The following ABCG5 variants were observed in gnomAD, a reference collection of about 807,000 sequenced individuals.
ABCG5 encodes ATP-binding cassette sub-family G member 5.
ABCG5 carries 64 observed loss-of-function variants against 64.5 expected under a neutral mutation model. The observed-to-expected ratio is 0.99, with a 90% CI of 0.81 to 1.22. The LOEUF (loss-of-function observed/expected upper bound fraction) is 1.22, where lower values mean the gene tolerates loss of function less well. Among genes scored for constraint, ABCG5 ranks in the 50% most tolerant of loss-of-function variants. The probability of loss-of-function intolerance (pLI) is 0.00; values close to 1 mark genes in which losing one functional copy is unlikely to be tolerated. For synonymous variants in ABCG5, 385 were observed against 326.3 expected (o/e 1.18, Z -1.94); for missense variants, 908 against 829.5 (o/e 1.09, Z -1.16).
chr2:43,837,115 C>T lies in ABCG5; in HGVS notation c.265+719G>A, dbSNP rs556244463. ...TACATGAACTTTTAAATATTATTCT[C>T]CAGTCTTTTTTTTTTTTTTTTTGAG... On this transcript the variant is annotated intron_variant, in intron 2 of 12. Coordinates refer to ENST00000405322, the MANE Select transcript of ABCG5 (RefSeq NM_022436.3). 3.0e-4 allele frequency among the ~76,000 whole-genome samples: 43 copies of T among 142,696 alleles called. 1 individual carries two copies. The highest frequency in any genetic ancestry group is 1.1e-3 in the African/African-American group (41 of 37,672). 93.6% of individuals were successfully genotyped at this position (142,696 alleles called of 152,430 possible).
chr2:43,835,526 A>T (rs1320050538), intron 2 of ABCG5, among the ~76,000 whole-genome samples: 1 of 152,214 alleles, frequency 6.6e-6, no homozygotes, highest in East Asian at 1.9e-4. Flanking sequence ...AAAAATGGAA[A>T]TAAGAACTGA....
chr2:43,820,208 T>C, intron 10 of ABCG5, 108 bp from the exon 11 acceptor site: 9 of 1,339,460 alleles, frequency 6.7e-6, no homozygotes, highest in Non-Finnish European at 9.4e-6. Context: ...GTGGGAGAAG[T>C]TTGCAGGGCA....
chr2:43,818,701 A>G (rs1375865983), intron 11 of ABCG5, among the ~76,000 whole-genome samples: 3 of 152,186 alleles, frequency 2.0e-5, no homozygotes, highest in Non-Finnish European at 2.9e-5. Context: ...GACAAATACA[A>G]TATCATGGTC....
chr2:43,839,058 C>A, upstream of ABCG5: 1 of 1,551,014 alleles, frequency 6.4e-7, no homozygotes, highest in Non-Finnish European at 8.7e-7. Context: ...GGCCCCATGG[C>A]CGGGAAGGCG....
rs2278357 is a variant in ABCG5 at position 43,812,700 on chromosome 2, C to T, written c.*416G>A. ...TTGCTTCATCTAAACCCACAACTCT[C>T]TTTCTCTGTCACTTATGGTCAGGAA... is the stretch of plus-strand genomic sequence containing the variant. On this transcript the variant is annotated 3_prime_UTR_variant, in exon 13 of 13. Coordinates refer to ENST00000405322, the MANE Select transcript of ABCG5 (RefSeq NM_022436.3). 0.2 allele frequency: 41,149 copies of T among 202,312 alleles called. 5,029 individuals carry two copies. Among genetic ancestry groups the T allele is most frequent in the African/African-American group, 0.34 (14,251 of 42,204 alleles). 12.5% of individuals were successfully genotyped at this position (202,312 alleles called of 1,614,324 possible). A position where few individuals can be genotyped will look rare whatever the true frequency, so the allele number is the denominator to read the frequency against.
At chr2:43,817,857 C>A (rs1240556369) in intron 11 of ABCG5, among the ~76,000 whole-genome samples, 2 of 152,010 alleles carry the variant, frequency 1.3e-5, no homozygotes, top group South Asian at 4.1e-4. Flanking sequence ...TTACAGTGAG[C>A]CGAGATCGCG....
chr2:43,826,111 GACC>G (rs1413837306), intron 6 of ABCG5, among the ~76,000 whole-genome samples: 1 of 151,756 alleles, frequency 6.6e-6, no homozygotes, highest in East Asian at 1.9e-4. Flanking sequence ...AAGTAGCTGG[GACC>G]ACAGATATGC....
intron 11 of ABCG5, among the ~76,000 whole-genome samples, chr2:43,819,160 G>C (rs1000961814): frequency 3.9e-5 from 6 of 151,992 alleles, no homozygotes; most frequent in Middle Eastern, 3.2e-3. Flanking sequence ...CAAAGAAACA[G>C]CCTTCATGTT....
chr2:43,835,076 C>A (rs1291355666), intron 2 of ABCG5, among the ~76,000 whole-genome samples: 3 of 152,196 alleles, frequency 2.0e-5, no homozygotes, highest in Admixed American at 6.5e-5. Context: ...AGAATACAGT[C>A]CCTGCCCTTG....
At chr2:43,808,617 A>G (rs1008360120), downstream of ABCG5, among the ~76,000 whole-genome samples, 1 of 152,188 alleles carries the variant, frequency 6.6e-6, no homozygotes, top group African/African-American at 2.4e-5. Context: ...ACTAAAATTT[A>G]TTTATGAATT....
At chr2:43,817,259 G>A (rs1666894228) in intron 11 of ABCG5, among the ~76,000 whole-genome samples, 1 of 151,508 alleles carries the variant, frequency 6.6e-6, no homozygotes, top group Non-Finnish European at 1.5e-5. Context: ...CCGAGGCAGG[G>A]AAATCACTTG....
chr2:43,832,221 A>G, intron 2 of ABCG5, 138 bp from the exon 3 acceptor site: 1 of 1,171,298 alleles, frequency 8.5e-7, no homozygotes, highest in South Asian at 1.3e-5. Flanking sequence ...TGTTAAGGAC[A>G]CAGCAGGATA....
chr2:43,819,343 A>G (rs1667040020), intron 11 of ABCG5, among the ~76,000 whole-genome samples: 1 of 152,206 alleles, frequency 6.6e-6, no homozygotes, highest in South Asian at 2.1e-4. Flanking sequence ...CATTGATAAA[A>G]TACAGAAATA....
chr2:43,829,823 T>C (rs754832455), intron 4 of ABCG5, among the ~76,000 whole-genome samples: 33 of 152,226 alleles, frequency 2.2e-4, no homozygotes, highest in Non-Finnish European at 4.0e-4. Flanking sequence ...GGGAATGACT[T>C]GTGGACCAAC....
At chr2:43,826,894 T>G (rs1286783415) in intron 5 of ABCG5, among the ~76,000 whole-genome samples, 1 of 152,202 alleles carries the variant, frequency 6.6e-6, no homozygotes, top group Non-Finnish European at 1.5e-5. Flanking sequence ...CAACCCCATT[T>G]CATGTCTGTA....
chr2:43,809,688 A>G (rs1399114241), downstream of ABCG5: 1 of 1,585,388 alleles, frequency 6.3e-7, no homozygotes, highest in Admixed American at 1.8e-5. Flanking sequence ...TTAAAGTGAT[A>G]CATATTTTTG....
At chr2:43,839,056 G>T (rs1365569134), upstream of ABCG5, 5 of 1,551,040 alleles carry the variant, frequency 3.2e-6, no homozygotes, top group Non-Finnish European at 3.5e-6. Context: ...TGGGCCCCAT[G>T]GCCGGGAAGG....
In ABCG5 at chr2:43,822,828, C is replaced by T. The variant is rs4076029; in HGVS notation, c.1432G>A (p.Ala478Thr). ...ALHVLPFSVV[A>T]TMIFSSVCYW... ...CACACACTGCTGAAAATCATGGTGG[C>T]AACAACGCTGAAGGGGAGGACGTGC... The change falls in exon 10 of 13, where the codon GCC becomes ACC. Residue 478 changes from alanine to threonine, a missense_variant. Transcript: ENST00000405322. 1.8e-5 allele frequency: 29 copies of T among 1,614,012 alleles called. No homozygotes were observed. Among genetic ancestry groups the T allele is most frequent in the Non-Finnish European group, 2.2e-5 (26 of 1,180,014 alleles).
chr2:43,811,854 A>G (rs1212439941), downstream of ABCG5, among the ~76,000 whole-genome samples: 2 of 152,128 alleles, frequency 1.3e-5, no homozygotes, highest in Non-Finnish European at 2.9e-5. Flanking sequence ...TCGGCCTCCC[A>G]AAGTGCTGGG....
Sources: allele counts gnomAD v4.1 joint callset (sites outside exome capture counted in the v4.1 genomes callset), GRCh38; gene constraint gnomAD v4.1.1; transcripts MANE v1.5; gene names NCBI Gene and HGNC (gene_info 2026-07-23, HGNC 2026-07-21).